ERICH3: variants seen among roughly 807,000 people sequenced by gnomAD.
ERICH3 encodes glutamate-rich protein 3.
Under a neutral mutation model 131.1 loss-of-function variants are expected in ERICH3, and 126 were observed. The observed-to-expected ratio is 0.96, with a 90% confidence interval of 0.83 to 1.11. The LOEUF is 1.11. Among genes scored for constraint, ERICH3 ranks in the 50% most tolerant of loss-of-function variants. The pLI, the probability that ERICH3 is intolerant of heterozygous loss-of-function variation, is 0.00. For missense variants in ERICH3, 2,050 were observed against 1,810.7 expected (o/e 1.13, Z -2.40); for synonymous variants, 695 against 644.6 (o/e 1.08, Z -1.18).
chr1:74,635,621 T>C (rs1646381675), intron 6 of ERICH3, among the ~76,000 whole-genome samples: 1 of 152,120 alleles, frequency 6.6e-6, no homozygotes, highest in Admixed American at 6.6e-5. Context: ...AAACTAACAA[T>C]ACTTTCCCTA....
chr1:74,598,003 T>C (rs775686329), intron 11 of ERICH3, among the ~76,000 whole-genome samples: 1 of 151,986 alleles, frequency 6.6e-6, no homozygotes, highest in Non-Finnish European at 1.5e-5. Flanking sequence ...GGTGTTTCGA[T>C]CCTCTCCAAT....
Position 74,571,828 on chromosome 1 carries a change from T to C in ERICH3, c.3882A>G (p.Pro1294=). The change falls in exon 14 of 15, where the codon CCA becomes CCG. Residue 1294 remains proline (P), a synonymous_variant. Transcript: ENST00000326665. ...KFREEAVDED[P]EEEEDKECTL... ...TGCACTCTTTGTCCTCTTCCTCCTC[T>C]GGGTCCTCATCCACCGCTTCCTCCC... is the stretch of plus-strand genomic sequence containing the variant. 1 of 1,612,990 alleles carries C rather than the reference T, an allele frequency of 6.2e-7. No homozygotes were observed. The highest frequency in any genetic ancestry group is 8.5e-7 in the Non-Finnish European group (1 of 1,180,038).
intron 7 of ERICH3, among the ~76,000 whole-genome samples, chr1:74,627,209 G>A (rs1436602711): frequency 6.6e-6 from 1 of 151,974 alleles, no homozygotes; most frequent in African/African-American, 2.4e-5. Context: ...ATGAAATCAT[G>A]TGTGAAGATG....
chr1:74,605,410 T>C (rs1281219392), intron 10 of ERICH3, among the ~76,000 whole-genome samples: 1 of 151,948 alleles, frequency 6.6e-6, no homozygotes, highest in Non-Finnish European at 1.5e-5. Context: ...ACTTTTCTTT[T>C]GCATTCACAA....
intron 1 of ERICH3, 111 bp from the exon 2 acceptor site, chr1:74,649,426 C>A (rs1646513255): frequency 2.5e-5 from 17 of 693,142 alleles, no homozygotes; most frequent in Non-Finnish European, 4.1e-5. Context: ...ATGCAGCCTG[C>A]CAGTCATTCA....
intron 1 of ERICH3, among the ~76,000 whole-genome samples, chr1:74,673,055 G>A (rs1300898640): frequency 6.6e-6 from 1 of 152,068 alleles, no homozygotes; most frequent in East Asian, 1.9e-4. Flanking sequence ...TTTCAATACT[G>A]AATGAACTCA....
chr1:74,664,312 A>T (rs1038023194), intron 1 of ERICH3, among the ~76,000 whole-genome samples: 1 of 14,810 alleles, frequency 6.8e-5, no homozygotes, highest in African/African-American at 8.0e-4. Context: ...AGGAAGATTA[A>T]AAAAAAAAAA....
chr1:74,660,078 C>T (rs1646625500), intron 1 of ERICH3, among the ~76,000 whole-genome samples: 1 of 152,040 alleles, frequency 6.6e-6, no homozygotes, highest in Non-Finnish European at 1.5e-5. Flanking sequence ...GGGTTACCCT[C>T]ATGCTACTCA....
intron 7 of ERICH3, among the ~76,000 whole-genome samples, chr1:74,629,936 G>GA (rs1215227739): frequency 6.6e-6 from 1 of 152,084 alleles, no homozygotes; most frequent in African/African-American, 2.4e-5. Flanking sequence ...GATGGGGCAG[G>GA]AAAAAGGGGG....
intron 7 of ERICH3, among the ~76,000 whole-genome samples, chr1:74,626,969 CTTT>C (rs1181168697): frequency 1.3e-5 from 2 of 151,978 alleles, no homozygotes; most frequent in Non-Finnish European, 2.9e-5. Context: ...TCTTTCTTTC[CTTT>C]TTTTTAAGAG....
intron 2 of ERICH3, among the ~76,000 whole-genome samples, chr1:74,647,350 C>T (rs1433057117): frequency 4.6e-5 from 7 of 152,038 alleles, no homozygotes; most frequent in Non-Finnish European, 1.0e-4. Flanking sequence ...TACAAAGGAT[C>T]TCATCAGTTT....
At chr1:74,671,171 A>T (rs1044776720) in intron 1 of ERICH3, among the ~76,000 whole-genome samples, 4 of 149,612 alleles carry the variant, frequency 2.7e-5, no homozygotes, top group African/African-American at 9.9e-5. Context: ...TTGCCTTGTG[A>T]TCTTTGTTGG....
chr1:74,673,427 G>A (rs1208755660), intron 1 of ERICH3, 70 bp downstream of exon 1: 8 of 1,582,736 alleles, frequency 5.1e-6, no homozygotes, highest in South Asian at 2.2e-5. Context: ...CGCAGCAGGA[G>A]GGAGGAGGAG....
chr1:74,588,750 C>T (rs984375848), intron 12 of ERICH3, among the ~76,000 whole-genome samples: 4 of 152,060 alleles, frequency 2.6e-5, no homozygotes, highest in South Asian at 2.1e-4. Flanking sequence ...CAGGACACCC[C>T]TCAGCCCTTC....
In ERICH3 at chr1:74,576,935, T is replaced by A; in HGVS notation, c.2178A>T (p.Gly726=). 1 of 1,594,438 alleles carries A rather than the reference T, an allele frequency of 6.3e-7. No homozygotes were observed. Among genetic ancestry groups the A allele is most frequent in the Non-Finnish European group, 8.5e-7 (1 of 1,173,388 alleles). ...CATAGGCTAATGGCAATGAATCCTT[T>A]CCTAGTTAAAAAAAAAAAAAAGAAA... ...KAGLPGLEEG[G]KDSLPLAYVL... is the part of the protein sequence containing the mutation. The change falls in exon 13 of 15, where the codon GGA becomes GGT. Residue 726 remains glycine, a splice_region_variant and synonymous_variant. Coordinates refer to ENST00000326665, the MANE Select transcript of ERICH3 (RefSeq NM_001002912.5).
Position 74,612,643 on chromosome 1 carries a change from C to T in ERICH3, c.1167G>A (p.Glu389=), listed in dbSNP as rs759587732. Reference sequence around the variant, plus strand: ...CATACTTGTAGCAAGGAGATGATCTCTCAACACACACAAACCCAAAGTAGC... The same window carrying T: ...CATACTTGTAGCAAGGAGATGATCTTTCAACACACACAAACCCAAAGTAGC... ...KRGYFGFVCV[E]RSSPCYKCII... Residue 389 remains glutamate (E), a synonymous_variant, in exon 9 of 15, where the codon GAG becomes GAA. Transcript: ENST00000326665. 1 of 1,580,640 alleles carries T rather than the reference C, an allele frequency of 6.3e-7. No individual in the cohort carries two copies. Among genetic ancestry groups the T allele is most frequent in the Non-Finnish European group, 8.7e-7 (1 of 1,155,076 alleles).
intron 1 of ERICH3, among the ~76,000 whole-genome samples, chr1:74,668,869 A>G (rs1557707706): frequency 6.6e-6 from 1 of 152,196 alleles, no homozygotes. Context: ...TAATGACTTA[A>G]AGTCTGAAAT....
intron 1 of ERICH3, among the ~76,000 whole-genome samples, chr1:74,664,498 T>G (rs1235643090): frequency 6.6e-6 from 1 of 152,102 alleles, no homozygotes; most frequent in Non-Finnish European, 1.5e-5. Flanking sequence ...TATTCACAAA[T>G]ATAAAATATT....
At chr1:74,570,775 C>T (rs548290547) in intron 14 of ERICH3, among the ~76,000 whole-genome samples, 6 of 152,216 alleles carry the variant, frequency 3.9e-5, no homozygotes, top group African/African-American at 1.4e-4. Context: ...GTGGCCTGTC[C>T]TCTGTGGCAC....
Sources: allele counts gnomAD v4.1 joint callset (sites outside exome capture counted in the v4.1 genomes callset), GRCh38; gene constraint gnomAD v4.1.1; transcripts MANE v1.5; gene names NCBI Gene and HGNC (gene_info 2026-07-23, HGNC 2026-07-21).